The following FIGN variants were observed in gnomAD, a reference collection of about 807,000 sequenced individuals.
The protein encoded by FIGN is fidgetin.
FIGN carries 11 observed loss-of-function variants against 51.3 expected under a neutral mutation model. The observed-to-expected ratio is 0.21, with a 90% CI of 0.13 to 0.35. FIGN has a LOEUF of 0.35. FIGN is among the 10% of genes least tolerant of loss of function. The pLI is 1.00. For synonymous variants in FIGN, 407 were observed against 363.2 expected (o/e 1.12, Z -1.37); for missense variants, 857 against 943.6 (o/e 0.91, Z 1.20).
chr2:163,705,226 C>G (rs999862722), intron 2 of FIGN, among the ~76,000 whole-genome samples: 4 of 152,200 alleles, frequency 2.6e-5, no homozygotes, highest in African/African-American at 9.6e-5. Flanking sequence ...CTGCAGCCCA[C>G]AGTGTGGGGA....
intron 2 of FIGN, among the ~76,000 whole-genome samples, chr2:163,628,851 T>C (rs558416289): frequency 6.6e-6 from 1 of 152,164 alleles, no homozygotes; most frequent in Non-Finnish European, 1.5e-5. Flanking sequence ...GGGATTTTTA[T>C]TACCCTTTAT....
In FIGN at chr2:163,609,241, T is replaced by C; in HGVS notation, c.*311A>G. The C allele has an allele frequency of 3.4e-6, 1 of 292,794 alleles. No individual in the cohort carries two copies. Among genetic ancestry groups the C allele is most frequent in the Non-Finnish European group, 6.3e-6 (1 of 157,952 alleles). 18.1% of individuals were successfully genotyped at this position (292,794 alleles called of 1,614,324 possible). On this transcript the variant is annotated 3_prime_UTR_variant, in exon 3 of 3. Transcript: ENST00000333129. The stretch of plus-strand genomic sequence containing the variant: ...AAATCTCGAGAACAGCAGAATGGAA[T>C]CAACACACGAGGTTCATGTCCTTCT...
At chr2:163,668,016 C>A (rs1328054217) in intron 2 of FIGN, among the ~76,000 whole-genome samples, 2 of 126,288 alleles carry the variant, frequency 1.6e-5, no homozygotes. Context: ...TACCTCCAAC[C>A]CCCCCCCCCA....
chr2:163,676,954 C>T (rs1248777805), intron 2 of FIGN, among the ~76,000 whole-genome samples: 1 of 151,948 alleles, frequency 6.6e-6, no homozygotes, highest in African/African-American at 2.4e-5. Context: ...ATGTACATAC[C>T]CAAGGGATAA....
At chr2:163,735,093 G>A in intron 1 of FIGN, 21 bp from the exon 2 acceptor site, 1 of 532,512 alleles carries the variant, frequency 1.9e-6, no homozygotes, top group Non-Finnish European at 3.2e-6. Flanking sequence ...ATAATTAAGG[G>A]GGAAAGCAAC....
intron 2 of FIGN, among the ~76,000 whole-genome samples, chr2:163,624,423 A>G (rs1683022821): frequency 6.6e-6 from 1 of 151,342 alleles, no homozygotes; most frequent in Non-Finnish European, 1.5e-5. Flanking sequence ...TAAGAAGAAG[A>G]GAAAGAAAAA....
At chr2:163,643,370 T>C (rs1462542850) in intron 2 of FIGN, among the ~76,000 whole-genome samples, 2 of 152,098 alleles carry the variant, frequency 1.3e-5, no homozygotes, top group African/African-American at 4.8e-5. Context: ...TATACAAATG[T>C]ACAGGGGTGG....
At chr2:163,623,326 TTTA>T (rs569379108) in intron 2 of FIGN, among the ~76,000 whole-genome samples, 1 of 152,178 alleles carries the variant, frequency 6.6e-6, no homozygotes, top group South Asian at 2.1e-4. Context: ...TGGCTACATA[TTTA>T]TTATTTGTGG....
chr2:163,648,877 C>T (rs979426009), intron 2 of FIGN, among the ~76,000 whole-genome samples: 1 of 152,198 alleles, frequency 6.6e-6, no homozygotes, highest in African/African-American at 2.4e-5. Flanking sequence ...AGACGAATTT[C>T]ATTTTAAAAT....
chr2:163,672,947 T>C (rs1683900808), intron 2 of FIGN, among the ~76,000 whole-genome samples: 1 of 152,278 alleles, frequency 6.6e-6, no homozygotes, highest in African/African-American at 2.4e-5. Flanking sequence ...GAAAGAGATA[T>C]AGTGAAGTGC....
At chr2:163,730,926 C>T (rs1009245237) in intron 2 of FIGN, among the ~76,000 whole-genome samples, 3 of 152,126 alleles carry the variant, frequency 2.0e-5, no homozygotes, top group Non-Finnish European at 4.4e-5. Context: ...GTGAAATCTG[C>T]ACTCAAGAAT....
intron 2 of FIGN, among the ~76,000 whole-genome samples, chr2:163,660,743 ATATG>A (rs1399094603): frequency 2.7e-5 from 3 of 111,752 alleles, no homozygotes; most frequent in African/African-American, 1.0e-4. Flanking sequence ...ATATACATAT[ATATG>A]TATACACATA....
intron 2 of FIGN, among the ~76,000 whole-genome samples, chr2:163,706,969 T>C (rs1014271083): frequency 3.3e-5 from 5 of 152,202 alleles, no homozygotes; most frequent in African/African-American, 1.2e-4. Context: ...CAGTTACATC[T>C]GGAAGGAGAA....
intron 2 of FIGN, among the ~76,000 whole-genome samples, chr2:163,685,782 A>G (rs1365079088): frequency 6.6e-6 from 1 of 152,222 alleles, no homozygotes; most frequent in Admixed American, 6.5e-5. Context: ...AGGAAGCCAA[A>G]CCCAGGTGTG....
chr2:163,664,392 G>T (rs148012402), intron 2 of FIGN, among the ~76,000 whole-genome samples: 22 of 152,178 alleles, frequency 1.4e-4, no homozygotes, highest in African/African-American at 5.3e-4. Context: ...ATACCTGAAA[G>T]GTTATCTAAG....
At chr2:163,715,115 C>A (rs1300358481) in intron 2 of FIGN, among the ~76,000 whole-genome samples, 1 of 152,190 alleles carries the variant, frequency 6.6e-6, no homozygotes, top group African/African-American at 2.4e-5. Context: ...CTTATACTGT[C>A]TGTGGCTATG....
At position 163,606,862 on chromosome 2, in the gene FIGN, T is replaced by A. The variant is rs1413609199; in HGVS notation, c.*2690A>T. On this transcript the variant is annotated 3_prime_UTR_variant, in exon 3 of 3. Transcript: ENST00000333129. ...TCAGCTTCTGTCTAAATACATGGATTTTTGACCACTTGCATCTCAAATTAA... is the reference window on the plus strand; with the variant it reads ...TCAGCTTCTGTCTAAATACATGGATATTTGACCACTTGCATCTCAAATTAA... 6.6e-6 allele frequency: 1 copy of A among 152,198 alleles called. No individual in the cohort carries two copies. Among genetic ancestry groups the A allele is most frequent in the Non-Finnish European group, 1.5e-5 (1 of 68,044 alleles). 9.4% of individuals were successfully genotyped at this position (152,198 alleles called of 1,614,324 possible). A position where few individuals can be genotyped will look rare whatever the true frequency, so the allele number is the denominator to read the frequency against.
chr2:163,629,175 A>T (rs1473697456), intron 2 of FIGN, among the ~76,000 whole-genome samples: 1 of 152,186 alleles, frequency 6.6e-6, no homozygotes, highest in Non-Finnish European at 1.5e-5. Context: ...AATTTTAAGG[A>T]GTAGGAAATG....
intron 2 of FIGN, among the ~76,000 whole-genome samples, chr2:163,667,278 C>G (rs1286076769): frequency 2.0e-5 from 3 of 150,844 alleles, no homozygotes; most frequent in African/African-American, 4.9e-5. Context: ...TTCACCTGTT[C>G]TCTCCTAACT....
Sources: allele counts gnomAD v4.1 joint callset (sites outside exome capture counted in the v4.1 genomes callset), GRCh38; gene constraint gnomAD v4.1.1; transcripts MANE v1.5; gene names NCBI Gene and HGNC (gene_info 2026-07-23, HGNC 2026-07-21).